The following FOXP2 variants were observed in gnomAD, a reference collection of about 807,000 sequenced individuals.
The protein encoded by FOXP2 is forkhead box protein P2.
A neutral mutation model predicts 115.8 loss-of-function variants in FOXP2; 12 were observed. The observed-to-expected ratio is 0.10, with a 90% confidence interval of 0.07 to 0.17. FOXP2 has a LOEUF of 0.17. Ranked by LOEUF, FOXP2 falls within the 10% of genes least tolerant of loss-of-function variation. FOXP2 has a pLI of 1.00. For synonymous variants in FOXP2, 328 were observed against 297.7 expected (o/e 1.10, Z -1.05); for missense variants, 629 against 843.5 (o/e 0.75, Z 3.15).
chr7:114,608,354 T>C (rs1318325192), intron 3 of FOXP2, among the ~76,000 whole-genome samples: 1 of 152,188 alleles, frequency 6.6e-6, no homozygotes, highest in Non-Finnish European at 1.5e-5. Flanking sequence ...GCAAACTTTT[T>C]TTTATAGCTA....
At chr7:114,194,357 C>A (rs1793844062) in intron 1 of FOXP2, among the ~76,000 whole-genome samples, 2 of 151,964 alleles carry the variant, frequency 1.3e-5, no homozygotes, top group South Asian at 4.2e-4. Flanking sequence ...AAATCCTTTA[C>A]CCTTTATCTT....
intron 2 of FOXP2, among the ~76,000 whole-genome samples, chr7:114,529,376 C>T (rs1799029705): frequency 6.6e-6 from 1 of 151,806 alleles, no homozygotes; most frequent in South Asian, 2.1e-4. Context: ...AGGATCCATT[C>T]CATCACACAT....
intron 2 of FOXP2, among the ~76,000 whole-genome samples, chr7:114,456,982 G>T (rs1795337764): frequency 6.6e-6 from 1 of 152,080 alleles, no homozygotes; most frequent in Admixed American, 6.5e-5. Context: ...AAGAAAAAGA[G>T]AGAGAGAGAA....
At chr7:114,494,023 T>G (rs1352675522) in intron 2 of FOXP2, among the ~76,000 whole-genome samples, 1 of 152,132 alleles carries the variant, frequency 6.6e-6, no homozygotes, top group Non-Finnish European at 1.5e-5. Flanking sequence ...TGAGGGTTTT[T>G]GAATTAACAT....
At position 114,426,530 on chromosome 7, in the gene FOXP2, A is replaced by C. The variant is rs757351650; in HGVS notation, c.19A>C (p.Thr7Pro). Reference protein sequence around the residue: MMQESATETISNSSMNQ... With the variant: MMQESAPETISNSSMNQ... Reference sequence around the variant, plus strand: ...TTAAGTCATGATGCAGGAATCTGCGACAGAGACAATAAGCAACAGTTCAAT... The same window carrying C: ...TTAAGTCATGATGCAGGAATCTGCGCCAGAGACAATAAGCAACAGTTCAAT... Residue 7 changes from threonine to proline, a missense_variant, in exon 2 of 17, where the codon ACA becomes CCA. Physicochemically the swap from Thr to Pro is conservative, Grantham distance 38. Transcript: ENST00000350908. 6.2e-7 allele frequency: 1 copy of C among 1,611,196 alleles called. No homozygotes were observed. The highest frequency in any genetic ancestry group is 1.1e-5 in the South Asian group (1 of 91,028).
At chr7:114,677,327 C>T (rs1807833438) in intron 16 of FOXP2, among the ~76,000 whole-genome samples, 1 of 152,106 alleles carries the variant, frequency 6.6e-6, no homozygotes, top group Non-Finnish European at 1.5e-5. Flanking sequence ...ATATTCTAGT[C>T]ATTAACAGTT....
At chr7:114,490,633 C>A (rs1796998055) in intron 2 of FOXP2, among the ~76,000 whole-genome samples, 1 of 152,052 alleles carries the variant, frequency 6.6e-6, no homozygotes, top group Admixed American at 6.6e-5. Flanking sequence ...TTAGGTAAAT[C>A]TCCTAATGCT....
rs112424570 is a variant in FOXP2 at position 114,168,975 on chromosome 7, T to A, written c.-102+5887T>A. 9.6e-3 allele frequency among the ~76,000 whole-genome samples: 1,464 copies of A among 152,324 alleles called. 32 individuals are homozygous for A. Among genetic ancestry groups the A allele is most frequent in the African/African-American group, 0.033 (1,392 of 41,574 alleles). Reference sequence around the variant, plus strand: ...AGCTTCCATGTGGTATTGAGCCTGCTGGTACACAGAAGTCAAGAATTGGGG... The same window carrying A: ...AGCTTCCATGTGGTATTGAGCCTGCAGGTACACAGAAGTCAAGAATTGGGG... On this transcript the variant is annotated intron_variant, in intron 1 of 17. Coordinates refer to the FOXP2 transcript ENST00000634411.
chr7:114,398,932 T>C (rs1792809929), intron 2 of FOXP2, among the ~76,000 whole-genome samples: 1 of 152,190 alleles, frequency 6.6e-6, no homozygotes, highest in South Asian at 2.1e-4. Context: ...ATGTTTGTAG[T>C]TGCTGGTTAT....
intron 1 of FOXP2, among the ~76,000 whole-genome samples, chr7:114,124,627 G>A (rs1466074347): frequency 6.6e-6 from 1 of 152,014 alleles, no homozygotes; most frequent in African/African-American, 2.4e-5. Flanking sequence ...ATCAAGTGTG[G>A]TACATTTAAG....
At chr7:114,357,006 G>A (rs1401972839) in intron 2 of FOXP2, among the ~76,000 whole-genome samples, 1 of 152,124 alleles carries the variant, frequency 6.6e-6, no homozygotes, top group African/African-American at 2.4e-5. Flanking sequence ...GAATCTAAAT[G>A]AGAAGCCTTG....
At chr7:114,644,896 A>T (rs1805790451) in intron 8 of FOXP2, 107 bp downstream of exon 8, 1 of 857,776 alleles carries the variant, frequency 1.2e-6, no homozygotes, top group Non-Finnish European at 1.9e-6. Flanking sequence ...AAAGTCCATT[A>T]TAAGTCATAC....
intron 1 of FOXP2, among the ~76,000 whole-genome samples, chr7:114,217,948 G>T (rs73206268): frequency 0.013 from 1,954 of 152,224 alleles, 20 homozygotes; most frequent in Non-Finnish European, 0.019. Flanking sequence ...CCCTCTCTGA[G>T]TAAGACCCCT....
chr7:114,525,265 G>C (rs1232841526), intron 2 of FOXP2, among the ~76,000 whole-genome samples: 1 of 152,110 alleles, frequency 6.6e-6, no homozygotes, highest in African/African-American at 2.4e-5. Context: ...AATTCCAAAA[G>C]TCTTCGCCTG....
intron 3 of FOXP2, among the ~76,000 whole-genome samples, chr7:114,617,676 C>G (rs974876314): frequency 6.6e-6 from 1 of 152,152 alleles, no homozygotes; most frequent in Non-Finnish European, 1.5e-5. Context: ...GCCTGTAATC[C>G]CAGCTATTCC....
At chr7:114,309,001 A>C (rs1481565161) in intron 2 of FOXP2, among the ~76,000 whole-genome samples, 1 of 152,194 alleles carries the variant, frequency 6.6e-6, no homozygotes, top group Non-Finnish European at 1.5e-5. Context: ...AAATTTCTAC[A>C]TATCTTGTAA....
intron 2 of FOXP2, among the ~76,000 whole-genome samples, chr7:114,386,868 C>T (rs1159385589): frequency 6.6e-6 from 1 of 152,116 alleles, no homozygotes; most frequent in African/African-American, 2.4e-5. Flanking sequence ...CTGTTGAAAA[C>T]TTTCAGAAAC....
intron 3 of FOXP2, among the ~76,000 whole-genome samples, chr7:114,570,042 A>G (rs1360569722): frequency 1.3e-5 from 2 of 151,962 alleles, no homozygotes; most frequent in Non-Finnish European, 1.5e-5. Context: ...ATTCAAATGC[A>G]GTGTAATCCT....
rs139492606 is a variant in FOXP2, at chr7:114,433,494, A to G, written c.168+6815A>G. Reference sequence around the variant, plus strand: ...TCTCAGAAATATTGTTAATATTCTGAATATTTCCATTTCTCAAATATACCA... The same window carrying G: ...TCTCAGAAATATTGTTAATATTCTGGATATTTCCATTTCTCAAATATACCA... On this transcript the variant is annotated intron_variant, in intron 2 of 16. Coordinates refer to ENST00000350908, the MANE Select transcript of FOXP2 (RefSeq NM_014491.4). Among the ~76,000 whole-genome samples the G allele has an allele frequency of 9.3e-4, 142 of 152,128 alleles. No homozygotes were observed. In the Middle Eastern group the frequency reaches 0.027, roughly 29 times the overall value.
Sources: allele counts gnomAD v4.1 joint callset (sites outside exome capture counted in the v4.1 genomes callset), GRCh38; gene constraint gnomAD v4.1.1; transcripts MANE v1.5; gene names NCBI Gene and HGNC (gene_info 2026-07-23, HGNC 2026-07-21).